KHDRBS2: variants seen among roughly 807,000 people sequenced by gnomAD.
KHDRBS2 encodes the protein KH domain-containing, RNA-binding, signal transduction-associated protein 2.
Under a neutral mutation model 44.3 loss-of-function variants are expected in KHDRBS2, and 26 were observed. The observed-to-expected ratio is 0.59, with a 90% CI of 0.43 to 0.81. The LOEUF (loss-of-function observed/expected upper bound fraction) is 0.81. KHDRBS2 is among the 40% of genes least tolerant of loss of function. KHDRBS2 has a pLI of 0.00. For synonymous variants in KHDRBS2, 194 were observed against 151.1 expected (o/e 1.28, Z -2.08); for missense variants, 476 against 433.1 (o/e 1.10, Z -0.88).
At chr6:61,720,319 T>C (rs1306240185) in intron 7 of KHDRBS2, among the ~76,000 whole-genome samples, 1 of 152,062 alleles carries the variant, frequency 6.6e-6, no homozygotes, top group African/African-American at 2.4e-5. Context: ...GGTCAAATGG[T>C]ATTTCTAGTT....
At chr6:61,547,815 AC>A in the KHDRBS2 span, among the ~76,000 whole-genome samples, 5 of 152,174 alleles carry the variant, frequency 3.3e-5, no homozygotes, top group African/African-American at 1.2e-4. Flanking sequence ...ATTTGTTAAT[AC>A]ATTTTATATG....
At chr6:61,831,827 G>C (rs1172196581) in intron 6 of KHDRBS2, among the ~76,000 whole-genome samples, 4 of 152,028 alleles carry the variant, frequency 2.6e-5, no homozygotes, top group African/African-American at 9.7e-5. Context: ...TTTAATTATA[G>C]AATAATTTTC....
the KHDRBS2 span, among the ~76,000 whole-genome samples, chr6:61,639,168 A>G: frequency 2.0e-5 from 3 of 152,150 alleles, no homozygotes; most frequent in South Asian, 2.1e-4. Flanking sequence ...CTATGTTTAC[A>G]TAATGTCCTA....
chr6:61,594,385 T>C, the KHDRBS2 span, among the ~76,000 whole-genome samples: 2 of 152,158 alleles, frequency 1.3e-5, no homozygotes, highest in African/African-American at 2.4e-5. Flanking sequence ...CCTAGTCCAA[T>C]TGTATGATCT....
intron 2 of KHDRBS2, among the ~76,000 whole-genome samples, chr6:62,131,439 G>C (rs947028366): frequency 2.6e-5 from 4 of 152,212 alleles, no homozygotes; most frequent in African/African-American, 9.6e-5. Context: ...GGCAGTACAA[G>C]TGAATCCCCA....
At chr6:62,197,753 G>A (rs1186021607) in intron 1 of KHDRBS2, among the ~76,000 whole-genome samples, 4 of 152,102 alleles carry the variant, frequency 2.6e-5, no homozygotes, top group African/African-American at 9.7e-5. Context: ...GACATCTACA[G>A]AACTCTCTAC....
intron 6 of KHDRBS2, among the ~76,000 whole-genome samples, chr6:61,783,739 A>T (rs1452527015): frequency 1.3e-5 from 2 of 152,034 alleles, no homozygotes; most frequent in Non-Finnish European, 2.9e-5. Flanking sequence ...AAAACTAATT[A>T]AATTTTTATT....
intron 6 of KHDRBS2, among the ~76,000 whole-genome samples, chr6:61,736,741 T>C (rs1482284703): frequency 1.3e-5 from 2 of 152,056 alleles, no homozygotes; most frequent in Non-Finnish European, 2.9e-5. Flanking sequence ...GAAATGCTAC[T>C]GATTCCTCAA....
At chr6:61,865,992 G>A (rs771465512) in intron 6 of KHDRBS2, among the ~76,000 whole-genome samples, 2 of 152,188 alleles carry the variant, frequency 1.3e-5, no homozygotes. Context: ...TTCACTAACT[G>A]GCGTTGTGTG....
intron 4 of KHDRBS2, among the ~76,000 whole-genome samples, chr6:61,938,161 G>A (rs925643436): frequency 6.6e-6 from 1 of 151,998 alleles, no homozygotes; most frequent in Admixed American, 6.6e-5. Context: ...TCTTCAAGGG[G>A]TTTACAATCT....
At chr6:62,079,308 C>T (rs1277086412) in intron 2 of KHDRBS2, among the ~76,000 whole-genome samples, 1 of 151,698 alleles carries the variant, frequency 6.6e-6, no homozygotes, top group African/African-American at 2.4e-5. Context: ...TGAAATATAA[C>T]AGAGAAAGAT....
At chr6:61,935,401 G>A (rs191615940) in intron 4 of KHDRBS2, among the ~76,000 whole-genome samples, 1 of 152,230 alleles carries the variant, frequency 6.6e-6, no homozygotes, top group East Asian at 1.9e-4. Context: ...GCTAGCAAAG[G>A]CATGAATCAG....
At chr6:62,273,147 G>T (rs1464310561) in intron 1 of KHDRBS2, among the ~76,000 whole-genome samples, 1 of 152,004 alleles carries the variant, frequency 6.6e-6, no homozygotes, top group South Asian at 2.1e-4. Flanking sequence ...TCATTTTACT[G>T]TCCCCATTTA....
chr6:62,064,994 A>C (rs1793202915), intron 2 of KHDRBS2, among the ~76,000 whole-genome samples: 1 of 152,144 alleles, frequency 6.6e-6, no homozygotes, highest in South Asian at 2.1e-4. Context: ...CACTTCTCAA[A>C]AGAAGACATT....
At chr6:61,881,774 A>T (rs1368584315) in intron 6 of KHDRBS2, among the ~76,000 whole-genome samples, 2 of 152,072 alleles carry the variant, frequency 1.3e-5, no homozygotes, top group Admixed American at 6.6e-5. Context: ...AATAGTCAGT[A>T]TGGCTAAGGC....
the KHDRBS2 span, among the ~76,000 whole-genome samples, chr6:61,645,394 A>G: frequency 1.3e-5 from 2 of 152,054 alleles, no homozygotes; most frequent in African/African-American, 4.8e-5. Flanking sequence ...ATTTAAAAAA[A>G]ATCTGTACAA....
chr6:61,743,916 G>A (rs531360928), intron 6 of KHDRBS2, among the ~76,000 whole-genome samples: 1 of 151,888 alleles, frequency 6.6e-6, no homozygotes, highest in South Asian at 2.1e-4. Flanking sequence ...TGCTGAGAAT[G>A]ATGGTTTCCA....
At chr6:61,549,824 T>C in the KHDRBS2 span, among the ~76,000 whole-genome samples, 7 of 152,188 alleles carry the variant, frequency 4.6e-5, no homozygotes, top group African/African-American at 1.7e-4. Flanking sequence ...TAATAAACCA[T>C]ATCAATGAAC....
chr6:62,073,856 C>A (rs1795801003), intron 2 of KHDRBS2, among the ~76,000 whole-genome samples: 1 of 151,714 alleles, frequency 6.6e-6, no homozygotes, highest in Non-Finnish European at 1.5e-5. Flanking sequence ...TATTTCTCCA[C>A]TCTCTATTCC....
Sources: gnomAD v4.1 joint callset for allele counts (sites outside exome capture counted in the v4.1 genomes callset) on GRCh38, gnomAD v4.1.1 for gene constraint, MANE v1.5 for transcripts, NCBI Gene and HGNC (gene_info 2026-07-23, HGNC 2026-07-21) for gene names.